Variants in PLCL1 observed in about 807,000 individuals in gnomAD.
PLCL1 encodes inactive phospholipase C-like protein 1.
A neutral mutation model predicts 84.4 loss-of-function variants in PLCL1; 41 were observed. The ratio of observed to expected loss-of-function variants is 0.49; its 90% CI spans 0.38 to 0.63. PLCL1 has a LOEUF of 0.63. PLCL1 is among the 30% of genes least tolerant of loss of function. PLCL1 has a pLI of 0.00. For synonymous variants in PLCL1, 490 were observed against 488.3 expected (o/e 1.00, Z -0.05); for missense variants, 1,206 against 1,367.8 (o/e 0.88, Z 1.87).
chr2:197,898,155 T>C (rs1435568), intron 1 of PLCL1, among the ~76,000 whole-genome samples: 109,850 of 152,068 alleles, frequency 0.72, 40,614 homozygotes, highest in African/African-American at 0.88. Context: ...ATCTTTCTGA[T>C]TGGCAGGGCT....
At chr2:197,890,815 GTATATATACA>G (rs1336755526) in intron 1 of PLCL1, among the ~76,000 whole-genome samples, 1 of 30,430 alleles carries the variant, frequency 3.3e-5, no homozygotes, top group Non-Finnish European at 6.3e-5. Context: ...CTATATATGT[GTATATATACA>G]TATATGCATA....
intron 1 of PLCL1, among the ~76,000 whole-genome samples, chr2:197,967,297 A>G (rs191289931): frequency 1.3e-5 from 2 of 152,270 alleles, no homozygotes; most frequent in Non-Finnish European, 2.9e-5. Flanking sequence ...CTCAGGTTCA[A>G]GCAATTCTCC....
At chr2:197,994,632 T>C (rs1690420095) in intron 1 of PLCL1, among the ~76,000 whole-genome samples, 2 of 152,166 alleles carry the variant, frequency 1.3e-5, no homozygotes, top group African/African-American at 2.4e-5. Flanking sequence ...AAAACCTAAA[T>C]TAGGTAAATG....
intron 1 of PLCL1, among the ~76,000 whole-genome samples, chr2:197,837,515 A>T (rs1691216313): frequency 6.6e-6 from 1 of 152,220 alleles, no homozygotes; most frequent in Admixed American, 6.5e-5. Context: ...ACTTCAGGTC[A>T]TATATCTTCA....
rs551999033 is a variant in PLCL1 at position 197,859,204 on chromosome 2, A to T, written c.240+53865A>T. Among the ~76,000 whole-genome samples, 13 of 152,272 alleles carry T rather than the reference A, an allele frequency of 8.5e-5. No individual in the cohort carries two copies. In the East Asian group the frequency reaches 2.1e-3, roughly 25 times the overall value. ...TCTGCCTGAAATAGGAGATCCTGAA[A>T]TATGTTAGCTTTCTCTTCTTCCTCT... On this transcript the variant is annotated intron_variant, in intron 1 of 5. Coordinates refer to ENST00000428675, the MANE Select transcript of PLCL1 (RefSeq NM_006226.4).
intron 5 of PLCL1, among the ~76,000 whole-genome samples, chr2:198,107,233 CTATT>C (rs1404949211): frequency 2.0e-5 from 3 of 151,846 alleles, no homozygotes; most frequent in African/African-American, 7.2e-5. Flanking sequence ...AACTCACTCA[CTATT>C]ATGAAAACAG....
intron 3 of PLCL1, among the ~76,000 whole-genome samples, chr2:198,100,637 A>G (rs1162704847): frequency 6.6e-6 from 1 of 152,144 alleles, no homozygotes; most frequent in East Asian, 1.9e-4. Context: ...TGACAAAGCC[A>G]GGAATTAGTA....
In PLCL1 at chr2:197,926,092, A is replaced by G. The variant is rs111627431; in HGVS notation, c.240+120753A>G. Among the ~76,000 whole-genome samples the G allele has an allele frequency of 3.2e-4, 48 of 152,196 alleles. 1 individual carries two copies. Among genetic ancestry groups the G allele is most frequent in the African/African-American group, 1.1e-3 (46 of 41,534 alleles). ...ACTTGCTGCTCTGCAACATGTGTAA[A>G]TTTCTTGTTCACAGCATGTCAGCAA... On this transcript the variant is annotated intron_variant, in intron 1 of 5. Coordinates refer to ENST00000428675, the MANE Select transcript of PLCL1 (RefSeq NM_006226.4).
In PLCL1 at chr2:197,983,883, G is replaced by A. The variant is rs562661885; in HGVS notation, c.241-99875G>A. ...CAAAGGATTACAGAAGGTGAATAAAGAGTAGTATTTCCATAACATAGCATG... is the reference window on the plus strand; with the variant it reads ...CAAAGGATTACAGAAGGTGAATAAAAAGTAGTATTTCCATAACATAGCATG... On this transcript the variant is annotated intron_variant, in intron 1 of 5. Coordinates refer to ENST00000428675, the MANE Select transcript of PLCL1 (RefSeq NM_006226.4). Among the ~76,000 whole-genome samples, 187 of 152,304 alleles carry A rather than the reference G, an allele frequency of 1.2e-3. 1 individual carries two copies. The highest frequency in any genetic ancestry group is 2.0e-3 in the Admixed American group (30 of 15,290).
In PLCL1 at chr2:197,907,432, T is replaced by C. The variant is rs534341860; in HGVS notation, c.240+102093T>C. Among the ~76,000 whole-genome samples, 88 of 151,752 alleles carry C rather than the reference T, an allele frequency of 5.8e-4. 4 individuals are homozygous for C. In the South Asian group the frequency reaches 0.014, roughly 24 times the overall value. On this transcript the variant is annotated intron_variant, in intron 1 of 5. Coordinates refer to ENST00000428675, the MANE Select transcript of PLCL1 (RefSeq NM_006226.4). ...TTTTGTATTTTTAGTGGAGACGGGG[T>C]TTCACATATTGGCCAGGCTGGTCTT... is the stretch of plus-strand genomic sequence containing the variant.
chr2:197,845,697 A>T (rs1574909731), intron 1 of PLCL1, among the ~76,000 whole-genome samples: 1 of 152,100 alleles, frequency 6.6e-6, no homozygotes, highest in Non-Finnish European at 1.5e-5. Context: ...TATGTAGGTG[A>T]TTATATTTCC....
chr2:198,077,324 T>G (rs1008869794), intron 1 of PLCL1, among the ~76,000 whole-genome samples: 1 of 152,012 alleles, frequency 6.6e-6, no homozygotes, highest in African/African-American at 2.4e-5. Context: ...CCCTAAAACT[T>G]AAAGTATAAT....
chr2:198,038,041 A>C (rs555569414), intron 1 of PLCL1, among the ~76,000 whole-genome samples: 1 of 152,202 alleles, frequency 6.6e-6, no homozygotes, highest in Non-Finnish European at 1.5e-5. Flanking sequence ...AAAGCCTTAC[A>C]TTTAAATAAA....
At chr2:197,881,081 T>C (rs1268717730) in intron 1 of PLCL1, among the ~76,000 whole-genome samples, 1 of 152,154 alleles carries the variant, frequency 6.6e-6, no homozygotes, top group Non-Finnish European at 1.5e-5. Flanking sequence ...GCCTGTGAGC[T>C]CCCTGAGGGC....
At chr2:197,809,004 G>C (rs1690533572) in intron 1 of PLCL1, among the ~76,000 whole-genome samples, 1 of 152,176 alleles carries the variant, frequency 6.6e-6, no homozygotes. Context: ...TGTTGTTCAT[G>C]TCTCATTATT....
chr2:198,092,415 A>G (rs10931799), intron 3 of PLCL1, among the ~76,000 whole-genome samples: 84,659 of 152,066 alleles, frequency 0.56, 26,651 homozygotes, highest in African/African-American at 0.86. Flanking sequence ...TTTATACAAT[A>G]TGTAATGATC....
rs75379839 is a variant in PLCL1, at chr2:198,040,684, T to C, written c.241-43074T>C. Among the ~76,000 whole-genome samples, 251 of 152,308 alleles carry C rather than the reference T, an allele frequency of 1.6e-3. 8 individuals carry two copies. The East Asian group carries it at 0.041, about 25-fold the overall frequency. On this transcript the variant is annotated intron_variant, in intron 1 of 5. Coordinates refer to ENST00000428675, the MANE Select transcript of PLCL1 (RefSeq NM_006226.4). The stretch of plus-strand genomic sequence containing the variant: ...GAGGAACACACTACAAAGCTTTCCA[T>C]TCTACAGGCTCTGTGAGCTGAGTGG...
At chr2:197,891,220 G>T (rs907912617) in intron 1 of PLCL1, among the ~76,000 whole-genome samples, 3 of 152,040 alleles carry the variant, frequency 2.0e-5, no homozygotes, top group Non-Finnish European at 4.4e-5. Flanking sequence ...TGTGTGAGGT[G>T]GACAACAACA....
At chr2:197,851,951 G>A (rs1687247646) in intron 1 of PLCL1, among the ~76,000 whole-genome samples, 1 of 152,234 alleles carries the variant, frequency 6.6e-6, no homozygotes, top group Non-Finnish European at 1.5e-5. Context: ...ATTTGGATTT[G>A]CTGTTGGTAG....
Sources: gnomAD v4.1 joint callset for allele counts (sites outside exome capture counted in the v4.1 genomes callset) on GRCh38, gnomAD v4.1.1 for gene constraint, MANE v1.5 for transcripts, NCBI Gene and HGNC (gene_info 2026-07-23, HGNC 2026-07-21) for gene names.